Variants in NRP1 observed in about 807,000 individuals in gnomAD.
The protein encoded by NRP1 is neuropilin-1.
A neutral mutation model predicts 106.7 loss-of-function variants in NRP1; 35 were observed. The ratio of observed to expected loss-of-function variants is 0.33; its 90% CI spans 0.25 to 0.43. The LOEUF (loss-of-function observed/expected upper bound fraction) is 0.43, where lower values mean the gene tolerates loss of function less well. Among genes scored for constraint, NRP1 ranks in the 20% least tolerant of loss-of-function variants. The pLI, the probability that NRP1 is intolerant of heterozygous loss-of-function variation, is 1.00. For missense variants in NRP1, 1,024 were observed against 1,170.4 expected (o/e 0.87, Z 1.83); for synonymous variants, 437 against 417.9 (o/e 1.05, Z -0.56).
At chr10:33,281,976 C>G (rs1844167622) in intron 2 of NRP1, among the ~76,000 whole-genome samples, 1 of 152,138 alleles carries the variant, frequency 6.6e-6, no homozygotes, top group Admixed American at 6.5e-5. Flanking sequence ...AGAAGATAAC[C>G]AACTCTCAGA....
At chr10:33,196,463 G>A (rs1327014850) in intron 12 of NRP1, among the ~76,000 whole-genome samples, 1 of 152,184 alleles carries the variant, frequency 6.6e-6, no homozygotes, top group African/African-American at 2.4e-5. Context: ...GAAAGGCACG[G>A]CTTTTTTCAT....
rs1422090938 is a variant in NRP1, at chr10:33,192,331, A to T, written c.2012T>A (p.Leu671His). 1 of 1,613,666 alleles carries T rather than the reference A, an allele frequency of 6.2e-7. No individual in the cohort carries two copies. The highest frequency in any genetic ancestry group is 8.5e-7 in the Non-Finnish European group (1 of 1,179,844). The change falls in exon 13 of 17, where the codon CTC (leucine) becomes CAC (histidine). Residue 671 changes from leucine to histidine, a missense_variant. By Grantham distance (99) the Leu-to-His change is moderately conservative. Coordinates refer to ENST00000374867, the MANE Select transcript of NRP1 (RefSeq NM_003873.7). ...CTTGCTGGTCAACACACTCCACTTG[A>T]GCTGCACGTGATTGTCATGTTCCCA... is the stretch of plus-strand genomic sequence containing the variant. ...CHWEHDNHVQLKWSVLTSKTG... is the reference protein window; with the variant it reads ...CHWEHDNHVQHKWSVLTSKTG...
At chr10:33,239,869 C>T (rs1454293377) in intron 6 of NRP1, among the ~76,000 whole-genome samples, 1 of 152,194 alleles carries the variant, frequency 6.6e-6, no homozygotes, top group African/African-American at 2.4e-5. Flanking sequence ...CAGATGTTTA[C>T]CTACCTGGTA....
At chr10:33,203,088 T>C (rs1837472725) in intron 10 of NRP1, 93 bp from the exon 11 acceptor site, 1 of 1,302,518 alleles carries the variant, frequency 7.7e-7, no homozygotes, top group Non-Finnish European at 1.1e-6. Flanking sequence ...TGCAGAAAAC[T>C]TTAATCTGCG....
Position 33,242,083 on chromosome 10 carries a change from G to A in NRP1, c.981+11945C>T, listed in dbSNP as rs373324012. Among the ~76,000 whole-genome samples, 13 of 152,204 alleles carry A rather than the reference G, an allele frequency of 8.5e-5. No individual in the cohort carries two copies. The East Asian group carries it at 1.4e-3, about 16-fold the overall frequency. On this transcript the variant is annotated intron_variant, in intron 6 of 16. Coordinates refer to ENST00000374867, the MANE Select transcript of NRP1 (RefSeq NM_003873.7). The stretch of plus-strand genomic sequence containing the variant: ...TACTGTATTACAGAAGTTGATAGTC[G>A]GAGCTGAATTTCAGCATATAGAGGT...
chr10:33,186,416 A>G lies in NRP1; in HGVS notation c.2135T>C (p.Val712Ala). ...GTGGGCAGAGTTCTGGGAATAAACC[A>G]CAGGGCTCACCAGGCGAGCCACTTT... ...KGKVARLVSP[V>A]VYSQNSAHCM... Residue 712 changes from valine to alanine, a missense_variant, in exon 14 of 17, where the codon GTG becomes GCG. This residue lies in a region of NRP1 where 562 missense variants were observed against 620.3 expected (regional missense o/e 0.91). Coordinates refer to ENST00000374867, the MANE Select transcript of NRP1 (RefSeq NM_003873.7). 2 of 1,614,058 alleles carry G rather than the reference A, an allele frequency of 1.2e-6. No individual in the cohort carries two copies. The highest frequency in any genetic ancestry group is 1.7e-6 in the Non-Finnish European group (2 of 1,180,024).
intron 2 of NRP1, among the ~76,000 whole-genome samples, chr10:33,305,690 C>T (rs1846100609): frequency 6.6e-6 from 1 of 151,444 alleles, no homozygotes; most frequent in Admixed American, 6.6e-5. Context: ...TTTAAAAAAT[C>T]ATATACCATG....
intron 6 of NRP1, among the ~76,000 whole-genome samples, chr10:33,228,899 C>G (rs1839891620): frequency 6.6e-6 from 1 of 151,954 alleles, no homozygotes; most frequent in Non-Finnish European, 1.5e-5. Flanking sequence ...AGTATTTTAC[C>G]AACATATTCT....
At chr10:33,199,777 C>T (rs971084084) in intron 11 of NRP1, among the ~76,000 whole-genome samples, 1 of 152,094 alleles carries the variant, frequency 6.6e-6, no homozygotes, top group African/African-American at 2.4e-5. Context: ...GAGGTGGTTA[C>T]AGGGTGCCAT....
rs775349899 is a variant in NRP1, at chr10:33,221,739, A to G, written c.1262T>C (p.Val421Ala). Residue 421 changes from valine (V) to alanine (A), a missense_variant, in exon 8 of 17, where the codon GTA becomes GCA. By Grantham distance (64) the Val-to-Ala change is moderately conservative (BLOSUM62 0). Coordinates refer to ENST00000374867, the MANE Select transcript of NRP1 (RefSeq NM_003873.7). Reference sequence around the variant, plus strand: ...CTTACCTGTTATCTTGCAACCGTATACTTCAAATCTCATAGATATGCCAGT... The same window carrying G: ...CTTACCTGTTATCTTGCAACCGTATGCTTCAAATCTCATAGATATGCCAGT... ...WETGISMRFE[V>A]YGCKITDYPC... 5 of 1,613,854 alleles carry G rather than the reference A, an allele frequency of 3.1e-6. No homozygotes were observed. In the African/African-American group the frequency reaches 4.0e-5, roughly 13 times the overall value.
At chr10:33,217,281 T>C (rs1350898378) in intron 8 of NRP1, among the ~76,000 whole-genome samples, 2 of 152,160 alleles carry the variant, frequency 1.3e-5, no homozygotes, top group Non-Finnish European at 2.9e-5. Flanking sequence ...GGGCACAGTT[T>C]CTGTATTCAT....
At chr10:33,325,483 G>T (rs1458070802) in intron 2 of NRP1, among the ~76,000 whole-genome samples, 1 of 151,974 alleles carries the variant, frequency 6.6e-6, no homozygotes, top group Non-Finnish European at 1.5e-5. Flanking sequence ...ACAGAAAATG[G>T]AACTTACACT....
At chr10:33,247,883 C>T (rs895677412) in intron 6 of NRP1, among the ~76,000 whole-genome samples, 1 of 152,194 alleles carries the variant, frequency 6.6e-6, no homozygotes, top group African/African-American at 2.4e-5. Context: ...GGAGTCAGGA[C>T]TTTGGTGAAC....
Position 33,179,067 on chromosome 10 carries a change from A to AT in NRP1, c.*1008_*1009insA, listed in dbSNP as rs1835523928. The AT allele has an allele frequency of 6.6e-6, 1 of 152,664 alleles. No homozygotes were observed. The highest frequency in any genetic ancestry group is 6.5e-5 in the Admixed American group (1 of 15,286). The allele number at this position is 152,664 out of a possible 1,614,324, so 9.5% of individuals were successfully genotyped here. On this transcript the variant is annotated 3_prime_UTR_variant, in exon 17 of 17. Transcript: ENST00000374867. ...TTGAAAATACATTCCATATGAAAGA[A>AT]CAATAAGAGAGAATATTGTAGCTTT...
At chr10:33,268,384 T>A (rs1363675775) in intron 3 of NRP1, among the ~76,000 whole-genome samples, 1 of 152,114 alleles carries the variant, frequency 6.6e-6, no homozygotes, top group East Asian at 1.9e-4. Context: ...GAAAAGAAGC[T>A]GAGAGTCTTT....
At chr10:33,232,133 A>G (rs891221854) in intron 6 of NRP1, among the ~76,000 whole-genome samples, 1 of 152,154 alleles carries the variant, frequency 6.6e-6, no homozygotes, top group Non-Finnish European at 1.5e-5. Flanking sequence ...AATAGGCAAG[A>G]CTGGTGACCC....
intron 2 of NRP1, among the ~76,000 whole-genome samples, chr10:33,278,448 G>A (rs1162637426): frequency 3.3e-5 from 5 of 152,102 alleles, no homozygotes; most frequent in Non-Finnish European, 7.4e-5. Context: ...ATCCATCAGT[G>A]GCTGCTGGAT....
chr10:33,328,630 A>T (rs1212870514), intron 2 of NRP1, among the ~76,000 whole-genome samples: 1 of 152,160 alleles, frequency 6.6e-6, no homozygotes, highest in Non-Finnish European at 1.5e-5. Flanking sequence ...TGTGTGCTGG[A>T]TCTGGCGCCC....
chr10:33,256,475 G>T lies in NRP1; in HGVS notation c.659-4C>A. 1 of 1,613,938 alleles carries T rather than the reference G, an allele frequency of 6.2e-7. No homozygotes were observed. The highest frequency in any genetic ancestry group is 1.1e-5 in the South Asian group (1 of 91,066). The stretch of plus-strand genomic sequence containing the variant: ...TAACGCCCAATGTGAGGGCCAACTG[G>T]AAAGGGAGGAATACAGACGATGTCA... On this transcript the variant is annotated splice_region_variant and splice_polypyrimidine_tract_variant and intron_variant, in intron 4 of 16. Coordinates refer to ENST00000374867, the MANE Select transcript of NRP1 (RefSeq NM_003873.7).
Sources: gnomAD v4.1 joint callset for allele counts (sites outside exome capture counted in the v4.1 genomes callset) on GRCh38, gnomAD v4.1.1 for gene constraint, gnomAD v4.1.1 regional missense constraint, MANE v1.5 for transcripts, NCBI Gene and HGNC (gene_info 2026-07-23, HGNC 2026-07-21) for gene names.